CEP85L: variants seen among roughly 807,000 people sequenced by gnomAD.
The protein encoded by CEP85L is centrosomal protein of 85 kDa-like.
In CEP85L, 60 loss-of-function variants were observed where a neutral mutation model predicts 100.3. The observed-to-expected ratio is 0.60, with a 90% CI of 0.49 to 0.74. The LOEUF (loss-of-function observed/expected upper bound fraction) is 0.74, where lower values mean the gene tolerates loss of function less well. Ranked by LOEUF, CEP85L falls within the 30% of genes least tolerant of loss-of-function variation. The pLI, the probability that CEP85L is intolerant of heterozygous loss-of-function variation, is 0.00. For missense variants in CEP85L, 973 were observed against 936.2 expected (o/e 1.04, Z -0.51); for synonymous variants, 319 against 322.7 (o/e 0.99, Z 0.12).
intron 2 of CEP85L, among the ~76,000 whole-genome samples, chr6:118,568,273 G>A (rs1402052044): frequency 6.6e-6 from 1 of 152,160 alleles, no homozygotes; most frequent in Non-Finnish European, 1.5e-5. Flanking sequence ...ATGATTTGAG[G>A]CATATTACTT....
chr6:118,503,047 C>T, intron 5 of CEP85L: 2 of 212,110 alleles, frequency 9.4e-6, no homozygotes, highest in South Asian at 2.3e-4. Context: ...AACTTCGGAA[C>T]AGTGAAAACA....
intron 10 of CEP85L, among the ~76,000 whole-genome samples, chr6:118,470,876 T>A (rs1478433701): frequency 1.3e-5 from 2 of 152,146 alleles, no homozygotes; most frequent in East Asian, 3.8e-4. Context: ...TGGATTTTTT[T>A]AAATTACAGT....
intron 3 of CEP85L, among the ~76,000 whole-genome samples, chr6:118,558,155 T>G (rs756682285): frequency 6.6e-6 from 1 of 152,134 alleles, no homozygotes; most frequent in Non-Finnish European, 1.5e-5. Context: ...TTCACCATGT[T>G]GGCCAGGCTG....
chr6:118,614,520 G>C (rs1313945191), intron 2 of CEP85L, among the ~76,000 whole-genome samples: 1 of 152,212 alleles, frequency 6.6e-6, no homozygotes, highest in African/African-American at 2.4e-5. Flanking sequence ...CGTGAGTTCA[G>C]CAAGGTAACA....
chr6:118,548,311 G>C (rs1778332614), intron 3 of CEP85L: 2 of 152,036 alleles, frequency 1.3e-5, no homozygotes, highest in Admixed American at 6.6e-5. Flanking sequence ...CTGGGTGACA[G>C]AGTCAGAAAA....
intron 1 of CEP85L, among the ~76,000 whole-genome samples, chr6:118,640,884 T>C (rs1339195861): frequency 1.3e-5 from 2 of 152,184 alleles, no homozygotes; most frequent in Non-Finnish European, 2.9e-5. Flanking sequence ...ATAAATGTTA[T>C]TATTTTTATT....
chr6:118,685,665 C>T (rs753350646), intron 1 of CEP85L, among the ~76,000 whole-genome samples: 6 of 152,158 alleles, frequency 3.9e-5, no homozygotes, highest in Admixed American at 6.5e-5. Context: ...ACAACTTAGA[C>T]TTTCCTTTCA....
At chr6:118,636,961 T>C (rs1449978883) in intron 1 of CEP85L, among the ~76,000 whole-genome samples, 1 of 152,142 alleles carries the variant, frequency 6.6e-6, no homozygotes, top group African/African-American at 2.4e-5. Context: ...CAATACAATA[T>C]TGGGAAAACT....
intron 5 of CEP85L, among the ~76,000 whole-genome samples, chr6:118,494,105 A>G (rs1284418770): frequency 6.6e-6 from 1 of 152,252 alleles, no homozygotes; most frequent in Non-Finnish European, 1.5e-5. Context: ...ACAGAGGTTC[A>G]TAACCTAATA....
chr6:118,669,862 C>T (rs1055221174), intron 1 of CEP85L, among the ~76,000 whole-genome samples: 6 of 150,902 alleles, frequency 4.0e-5, no homozygotes, highest in East Asian at 1.9e-4. Flanking sequence ...TGTGGTAGAG[C>T]GCTGAATTGA....
At chr6:118,619,818 A>C (rs566284799) in intron 2 of CEP85L, among the ~76,000 whole-genome samples, 2 of 152,306 alleles carry the variant, frequency 1.3e-5, no homozygotes, top group African/African-American at 4.8e-5. Context: ...ATCAGACCTT[A>C]AGTCCTACTG....
At chr6:118,627,895 T>C (rs1229820660) in intron 2 of CEP85L, among the ~76,000 whole-genome samples, 1 of 152,166 alleles carries the variant, frequency 6.6e-6, no homozygotes, top group Non-Finnish European at 1.5e-5. Flanking sequence ...TCAATTCTAG[T>C]CTTCCGGGTG....
upstream of CEP85L, chr6:118,657,235 GA>G (rs1223098796): frequency 6.6e-6 from 1 of 152,310 alleles, no homozygotes; most frequent in Non-Finnish European, 1.5e-5. Flanking sequence ...GAGTTACCAG[GA>G]AGGCAGCATG....
chr6:118,611,113 AT>A (rs764472263), intron 2 of CEP85L, among the ~76,000 whole-genome samples: 1 of 152,186 alleles, frequency 6.6e-6, no homozygotes, highest in Non-Finnish European at 1.5e-5. Context: ...AAAATTATGA[AT>A]AAATAAAATA....
At chr6:118,511,234 G>C (rs74822041) in intron 5 of CEP85L, 64 bp downstream of exon 5, 21,271 of 940,748 alleles carry the variant, frequency 0.023, 349 homozygotes, top group African/African-American at 0.058. Flanking sequence ...TATATTACAA[G>C]GTAAGTATAT....
Position 118,491,841 on chromosome 6 carries a change from G to T in CEP85L, c.1282C>A (p.Gln428Lys). The T allele has an allele frequency of 1.2e-6, 2 of 1,608,548 alleles. No individual in the cohort carries two copies. Among genetic ancestry groups the T allele is most frequent in the Non-Finnish European group, 1.7e-6 (2 of 1,178,288 alleles). Residue 428 changes from glutamine to lysine, a missense_variant, in exon 6 of 13, where the codon CAG (glutamine) becomes AAG (lysine). This residue lies in a region of CEP85L where 890 missense variants were observed against 844.5 expected (regional missense o/e 1.05). Transcript: ENST00000368491. The part of the protein sequence containing the change: ...LQPQYENTSL[Q>K]TPFSEESVSH... ...ACTGATTCCTCTGAAAATGGTGTCT[G>T]GAGTGAAGTGTTCTCATATTGTGGC...
At chr6:118,503,213 G>A (rs939314238) in intron 5 of CEP85L, among the ~76,000 whole-genome samples, 11 of 152,102 alleles carry the variant, frequency 7.2e-5, no homozygotes, top group African/African-American at 2.7e-4. Context: ...CAAAAAATAA[G>A]ATAGGTATAA....
intron 1 of CEP85L, among the ~76,000 whole-genome samples, chr6:118,638,576 T>C (rs1050553943): frequency 2.0e-5 from 3 of 148,658 alleles, no homozygotes; most frequent in African/African-American, 7.5e-5. Flanking sequence ...GTATGCAATA[T>C]GCACTTAAAA....
rs1263840501 is a variant in CEP85L, at chr6:118,517,514, G to A, written c.1140-6099C>T. On this transcript the variant is annotated intron_variant, in intron 4 of 12. Transcript: ENST00000368491. ...TATTCTCTTTGTAGCAATTGTGAAT[G>A]AGTTCACTCATGATTTGCCTCTCTG... Among the ~76,000 whole-genome samples the A allele has an allele frequency of 1.3e-5, 2 of 152,122 alleles. 1 individual carries two copies. The highest frequency in any genetic ancestry group is 2.9e-5 in the Non-Finnish European group (2 of 68,020).
Sources: gnomAD v4.1 joint callset for allele counts (sites outside exome capture counted in the v4.1 genomes callset) on GRCh38, gnomAD v4.1.1 for gene constraint, gnomAD v4.1.1 regional missense constraint, MANE v1.5 for transcripts, NCBI Gene and HGNC (gene_info 2026-07-23, HGNC 2026-07-21) for gene names.